The following MYH11 variants were observed in gnomAD, a reference collection of about 807,000 sequenced individuals.
MYH11 encodes myosin heavy chain 11, also known as myosin-11.
MYH11 carries 80 observed loss-of-function variants against 246.6 expected under a neutral mutation model. That is an observed-to-expected ratio of 0.32 (90% CI 0.27 to 0.39). The LOEUF is 0.39. MYH11 is among the 10% of genes least tolerant of loss of function. The probability of loss-of-function intolerance (pLI) is 1.00; values close to 1 mark genes in which losing one functional copy is unlikely to be tolerated. For missense variants in MYH11, 2,158 were observed against 2,546.8 expected, an observed-to-expected ratio of 0.85 and a Z score of 3.29; for synonymous variants, 1,071 against 1,015.5, an observed-to-expected ratio of 1.05 and a Z score of -1.04.
chr16:15,820,857 A>C (rs1292468758), intron 3 of MYH11, among the ~76,000 whole-genome samples: 1 of 152,120 alleles, frequency 6.6e-6, no homozygotes, highest in African/African-American at 2.4e-5. Context: ...CTATTTTTAT[A>C]ATTTGCAATG....
At chr16:15,786,264 G>T (rs2042466307) in intron 5 of MYH11, 1 of 391,340 alleles carries the variant, frequency 2.6e-6, no homozygotes, top group Non-Finnish European at 4.9e-6. Flanking sequence ...GGCCAGGGAT[G>T]TTGTGAAACA....
At chr16:15,781,671 T>C (rs188123598) in intron 6 of MYH11, among the ~76,000 whole-genome samples, 1 of 152,324 alleles carries the variant, frequency 6.6e-6, no homozygotes, top group Admixed American at 6.5e-5. Context: ...ACTTTTTGCT[T>C]TGGAGCCTGG....
chr16:15,729,533 TCA>T (rs202210630), intron 27 of MYH11, among the ~76,000 whole-genome samples: 7,919 of 150,470 alleles, frequency 0.053, 228 homozygotes, highest in Non-Finnish European at 0.067. Flanking sequence ...GTCTGGGGCC[TCA>T]CTCTTCCAAC....
intron 26 of MYH11, chr16:15,733,075 A>C: frequency 3.0e-6 from 1 of 333,982 alleles, no homozygotes; most frequent in Non-Finnish European, 5.7e-6. Flanking sequence ...ACATCATCTA[A>C]TCCTCAGAGC....
chr16:15,804,148 C>T (rs1021796916), intron 3 of MYH11, among the ~76,000 whole-genome samples: 1 of 152,176 alleles, frequency 6.6e-6, no homozygotes, highest in Non-Finnish European at 1.5e-5. Context: ...ACCACCACTT[C>T]TTCTCTGGCC....
At chr16:15,812,502 A>G (rs1263239503) in intron 3 of MYH11, among the ~76,000 whole-genome samples, 1 of 130,084 alleles carries the variant, frequency 7.7e-6, no homozygotes, top group Non-Finnish European at 1.6e-5. Flanking sequence ...GGATCACTTG[A>G]GGCCAGGAAT....
intron 40 of MYH11, 42 bp downstream of exon 40, chr16:15,714,867 T>C (rs1166003902): frequency 6.2e-7 from 1 of 1,610,966 alleles, no homozygotes; most frequent in Non-Finnish European, 8.5e-7. Flanking sequence ...TGCTTTTCTC[T>C]GGCCTGAGAG....
At chr16:15,804,916 C>T (rs532891839) in intron 3 of MYH11, among the ~76,000 whole-genome samples, 95 of 152,300 alleles carry the variant, frequency 6.2e-4, no homozygotes, top group Non-Finnish European at 1.0e-3. Flanking sequence ...AGTTGACGGA[C>T]ATTTGGGTTA....
intron 20 of MYH11, among the ~76,000 whole-genome samples, chr16:15,742,592 A>T (rs2041304947): frequency 6.6e-6 from 1 of 151,984 alleles, no homozygotes. Flanking sequence ...GTAACCAGGC[A>T]TGGTGGTGTG....
At chr16:15,831,704 G>A (rs936040343) in intron 2 of MYH11, among the ~76,000 whole-genome samples, 4 of 152,036 alleles carry the variant, frequency 2.6e-5, no homozygotes, top group Admixed American at 6.6e-5. Flanking sequence ...GTTGGGAGGC[G>A]GAGGTGGGAG....
At position 15,840,058 on chromosome 16, in the gene MYH11, T is replaced by C. The variant is rs75091395; in HGVS notation, c.-17-1789A>G. On this transcript the variant is annotated intron_variant, in intron 1 of 40. Coordinates refer to ENST00000300036, the MANE Select transcript of MYH11 (RefSeq NM_002474.3). ...AGAGTGAGACGCTGTCTCAAAAAAATTAAAAAAAAGAGTTGCCAGTGGCAA... is the reference window on the plus strand; with the variant it reads ...AGAGTGAGACGCTGTCTCAAAAAAACTAAAAAAAAGAGTTGCCAGTGGCAA... 8.1e-3 allele frequency among the ~76,000 whole-genome samples: 1,224 copies of C among 150,992 alleles called. 10 individuals are homozygous for C. The highest frequency in any genetic ancestry group is 0.013 in the Admixed American group (200 of 15,190).
chr16:15,718,536 T>C, intron 36 of MYH11, 98 bp from the exon 37 acceptor site: 2 of 1,467,308 alleles, frequency 1.4e-6, no homozygotes, highest in South Asian at 2.6e-5. Context: ...GCCCTCATCA[T>C]CTAATGGGTG....
intron 40 of MYH11, 130 bp downstream of exon 40, chr16:15,714,779 C>T (rs1219552208): frequency 1.7e-6 from 2 of 1,175,628 alleles, no homozygotes; most frequent in Non-Finnish European, 2.5e-6. Context: ...TAAGGAGAAG[C>T]AGGAATAAAC....
chr16:15,819,897 C>T (rs576990692), intron 3 of MYH11, among the ~76,000 whole-genome samples: 15 of 152,114 alleles, frequency 9.9e-5, no homozygotes, highest in East Asian at 1.9e-4. Context: ...CAAACTCCAC[C>T]GAAACCTCCT....
At chr16:15,819,880 G>A (rs540649060) in intron 3 of MYH11, among the ~76,000 whole-genome samples, 36 of 152,272 alleles carry the variant, frequency 2.4e-4, no homozygotes, top group Admixed American at 5.2e-4. Flanking sequence ...ATGACTACAA[G>A]AGCGATCAAA....
chr16:15,844,163 A>G (rs2044128792), intron 1 of MYH11, among the ~76,000 whole-genome samples: 1 of 152,166 alleles, frequency 6.6e-6, no homozygotes, highest in African/African-American at 2.4e-5. Flanking sequence ...ACGCCTGTCT[A>G]TGGAAAATGC....
chr16:15,807,229 G>C (rs919365776), intron 3 of MYH11, among the ~76,000 whole-genome samples: 6 of 152,110 alleles, frequency 3.9e-5, no homozygotes, highest in African/African-American at 1.4e-4. Flanking sequence ...CTGGCCTCAA[G>C]TGATCCTCCC....
intron 27 of MYH11, among the ~76,000 whole-genome samples, chr16:15,728,527 C>A (rs1193832177): frequency 6.6e-6 from 1 of 152,122 alleles, no homozygotes; most frequent in Admixed American, 6.6e-5. Flanking sequence ...ATTGACACTG[C>A]TACTTCTGTC....
Position 15,718,420 on chromosome 16 carries a change from C to G in MYH11, c.5190G>C (p.Glu1730Asp), listed in dbSNP as rs2040285641. 6.3e-7 allele frequency: 1 copy of G among 1,579,328 alleles called. No homozygotes were observed. Residue 1730 changes from glutamate to aspartate, a missense_variant, in exon 37 of 41, where the codon GAG becomes GAC. Coordinates refer to ENST00000300036, the MANE Select transcript of MYH11 (RefSeq NM_002474.3). Reference protein sequence around the residue: ...SLSGRNALQDEKRRLEARIAQ... With the variant: ...SLSGRNALQDDKRRLEARIAQ... ...CGATCCGGGCCTCCAGGCGGCGCTT[C>G]TCGTCCTGGAGTGCGTTCCTGGGGG...
Sources: gnomAD v4.1 joint callset for allele counts (sites outside exome capture counted in the v4.1 genomes callset) on GRCh38, gnomAD v4.1.1 for gene constraint, MANE v1.5 for transcripts, NCBI Gene and HGNC (gene_info 2026-07-23, HGNC 2026-07-21) for gene names.